The following IMMP2L variants were observed in gnomAD, a reference collection of about 807,000 sequenced individuals.
IMMP2L encodes mitochondrial inner membrane protease subunit 2.
A neutral mutation model predicts 19.3 loss-of-function variants in IMMP2L; 18 were observed. That is an observed-to-expected ratio of 0.93 (90% CI 0.64 to 1.38). The LOEUF (loss-of-function observed/expected upper bound fraction) is 1.38. Among genes scored for constraint, IMMP2L ranks in the 40% most tolerant of loss-of-function variants. The pLI, the probability that IMMP2L is intolerant of heterozygous loss-of-function variation, is 0.00. For missense variants in IMMP2L, 233 were observed against 218.2 expected (o/e 1.07, Z -0.43); for synonymous variants, 76 against 73.0 (o/e 1.04, Z -0.21).
chr7:111,028,493 A>G (rs2086642532), intron 3 of IMMP2L, among the ~76,000 whole-genome samples: 1 of 152,172 alleles, frequency 6.6e-6, no homozygotes, highest in African/African-American at 2.4e-5. Context: ...CTAAACAAAG[A>G]TAACAGCAAA....
chr7:110,726,683 C>T (rs1562940047), intron 5 of IMMP2L, among the ~76,000 whole-genome samples: 1 of 152,162 alleles, frequency 6.6e-6, no homozygotes, highest in Non-Finnish European at 1.5e-5. Context: ...TTCAACAGAA[C>T]CTCTTTAGAA....
chr7:111,398,831 G>T (rs1833134169), intron 3 of IMMP2L, among the ~76,000 whole-genome samples: 1 of 150,362 alleles, frequency 6.7e-6, no homozygotes, highest in East Asian at 2.0e-4. Context: ...TACACCAACA[G>T]TGACCAAGCA....
At chr7:111,456,440 A>G (rs1839679534) in intron 3 of IMMP2L, among the ~76,000 whole-genome samples, 1 of 151,766 alleles carries the variant, frequency 6.6e-6, no homozygotes, top group South Asian at 2.1e-4. Flanking sequence ...TATAATGACA[A>G]TCTCAATCAA....
At chr7:111,334,105 T>C (rs967541979) in intron 3 of IMMP2L, among the ~76,000 whole-genome samples, 1 of 152,104 alleles carries the variant, frequency 6.6e-6, no homozygotes, top group Non-Finnish European at 1.5e-5. Flanking sequence ...TTTATTTTTA[T>C]TGATGTAAAA....
At chr7:111,531,038 G>A (rs1464948784) in intron 1 of IMMP2L, among the ~76,000 whole-genome samples, 6 of 150,790 alleles carry the variant, frequency 4.0e-5, no homozygotes, top group Non-Finnish European at 8.9e-5. Flanking sequence ...TGCAAGCTCC[G>A]CCTCCCGGGT....
rs1175815089 is a variant in IMMP2L, at chr7:111,392,007, T to C, written c.239+95231A>G. 19 of 702,856 alleles carry C rather than the reference T, an allele frequency of 2.7e-5. No homozygotes were observed. In the Admixed American group the frequency reaches 2.8e-4, roughly 10 times the overall value. 43.5% of individuals were successfully genotyped at this position (702,856 alleles called of 1,614,324 possible). A position where few individuals can be genotyped will look rare whatever the true frequency, so the allele number is the denominator to read the frequency against. On this transcript the variant is annotated intron_variant, in intron 3 of 5. Transcript: ENST00000405709. ...TTCAGAAAGTGTCTCCTTGCTTCAA[T>C]GTCCTCTCCTACCTTTGTATATGCA... is the stretch of plus-strand genomic sequence containing the variant.
intron 3 of IMMP2L, among the ~76,000 whole-genome samples, chr7:111,003,385 A>G (rs1823929520): frequency 6.6e-6 from 1 of 152,310 alleles, no homozygotes; most frequent in East Asian, 1.9e-4. Flanking sequence ...AATATCATCA[A>G]AATATCCCTG....
chr7:111,421,322 T>G (rs1293913038), intron 3 of IMMP2L, among the ~76,000 whole-genome samples: 1 of 142,514 alleles, frequency 7.0e-6, no homozygotes, highest in Non-Finnish European at 1.5e-5. Flanking sequence ...CAGGTGGGAG[T>G]GCAGTGGCGC....
At chr7:111,438,113 G>A (rs972874726) in intron 3 of IMMP2L, among the ~76,000 whole-genome samples, 5 of 151,660 alleles carry the variant, frequency 3.3e-5, no homozygotes, top group African/African-American at 1.2e-4. Flanking sequence ...ATATTTCTGA[G>A]GCAGAAACCA....
At chr7:111,509,211 G>A (rs888381838) in intron 2 of IMMP2L, among the ~76,000 whole-genome samples, 12 of 151,938 alleles carry the variant, frequency 7.9e-5, no homozygotes, top group Non-Finnish European at 2.9e-5. Flanking sequence ...AGATTCCAAG[G>A]TCCTCACAAA....
intron 5 of IMMP2L, among the ~76,000 whole-genome samples, chr7:110,777,389 G>T (rs1049584874): frequency 6.6e-6 from 1 of 151,942 alleles, no homozygotes; most frequent in Non-Finnish European, 1.5e-5. Flanking sequence ...GCAAGATGTA[G>T]TCATCCGGGA....
At chr7:111,428,128 T>C (rs1433599688) in intron 3 of IMMP2L, among the ~76,000 whole-genome samples, 2 of 151,862 alleles carry the variant, frequency 1.3e-5, no homozygotes, top group African/African-American at 4.9e-5. Context: ...TTCCTTTTTT[T>C]AGAATTTGCA....
intron 5 of IMMP2L, among the ~76,000 whole-genome samples, chr7:110,851,750 G>T (rs73423032): frequency 0.034 from 5,229 of 152,080 alleles, 289 homozygotes; most frequent in African/African-American, 0.12. Context: ...TTAGCTAAAA[G>T]AAATGCAGAA....
At chr7:111,501,539 A>C (rs1158236532) in intron 2 of IMMP2L, among the ~76,000 whole-genome samples, 1 of 152,182 alleles carries the variant, frequency 6.6e-6, no homozygotes, top group African/African-American at 2.4e-5. Flanking sequence ...ACCAAAGTTG[A>C]AATGAAGGAA....
At position 110,729,945 on chromosome 7, in the gene IMMP2L, A is replaced by T. The variant is rs567195608; in HGVS notation, c.409-66224T>A. ...TAAAAGTTGATTTTTTTTTTTTTTT[A>T]AAAAGCAACGCATCTTTTATGAAGA... is the stretch of plus-strand genomic sequence containing the variant. On this transcript the variant is annotated intron_variant, in intron 5 of 5. Coordinates refer to ENST00000405709, the MANE Select transcript of IMMP2L (RefSeq NM_032549.4). Among the ~76,000 whole-genome samples, 149 of 146,148 alleles carry T rather than the reference A, an allele frequency of 1.0e-3. 1 individual carries two copies. The highest frequency in any genetic ancestry group is 3.1e-3 in the African/African-American group (118 of 37,524).
chr7:111,046,875 C>T (rs141029098), intron 3 of IMMP2L, among the ~76,000 whole-genome samples: 14 of 152,142 alleles, frequency 9.2e-5, no homozygotes, highest in African/African-American at 3.1e-4. Context: ...GGGCATTGGG[C>T]CAAGAGCGTA....
chr7:110,679,162 A>G (rs1268826419), intron 5 of IMMP2L, among the ~76,000 whole-genome samples: 1 of 152,102 alleles, frequency 6.6e-6, no homozygotes, highest in East Asian at 1.9e-4. Flanking sequence ...AAATAGATAC[A>G]AAACAGGCCT....
At chr7:110,724,156 T>C (rs960440186) in intron 5 of IMMP2L, 1 of 152,232 alleles carries the variant, frequency 6.6e-6, no homozygotes, top group African/African-American at 2.4e-5. Context: ...AAATATCATT[T>C]CATCTTTTAA....
intron 3 of IMMP2L, among the ~76,000 whole-genome samples, chr7:111,438,302 C>A (rs1837387187): frequency 6.6e-6 from 1 of 151,706 alleles, no homozygotes; most frequent in Non-Finnish European, 1.5e-5. Flanking sequence ...TTAATGTAAT[C>A]CATTTTTATG....
Sources: gnomAD v4.1 joint callset for allele counts (sites outside exome capture counted in the v4.1 genomes callset) on GRCh38, gnomAD v4.1.1 for gene constraint, MANE v1.5 for transcripts, NCBI Gene and HGNC (gene_info 2026-07-23, HGNC 2026-07-21) for gene names.